PRKCB: variants seen among roughly 807,000 people sequenced by gnomAD.
PRKCB encodes the protein protein kinase C beta type.
A neutral mutation model predicts 81.5 loss-of-function variants in PRKCB; 13 were observed. The ratio of observed to expected loss-of-function variants is 0.16; its 90% CI spans 0.10 to 0.25. The LOEUF (loss-of-function observed/expected upper bound fraction) is 0.25, where lower values mean the gene tolerates loss of function less well. PRKCB is among the 10% of genes least tolerant of loss of function. The pLI, the probability that PRKCB is intolerant of heterozygous loss-of-function variation, is 1.00. For missense variants in PRKCB, 509 were observed against 875.7 expected (o/e 0.58, Z 5.29); for synonymous variants, 335 against 321.4 (o/e 1.04, Z -0.45).
intron 5 of PRKCB, among the ~76,000 whole-genome samples, chr16:24,091,828 C>T (rs1453127128): frequency 1.3e-5 from 2 of 152,008 alleles, no homozygotes; most frequent in African/African-American, 4.8e-5. Context: ...AGCCTTATAG[C>T]CTCTTTACCT....
At position 24,218,404 on chromosome 16, in the gene PRKCB, G is replaced by A; in HGVS notation, c.*3588G>A. On this transcript the variant is annotated 3_prime_UTR_variant, in exon 17 of 17. Coordinates refer to ENST00000643927, the MANE Select transcript of PRKCB (RefSeq NM_002738.7). Reference sequence around the variant, plus strand: ...AGGACAAGACAAAAAGGGCAGGTGGGACATGGTAGAGATGGACCCTACCCA... The same window carrying A: ...AGGACAAGACAAAAAGGGCAGGTGGAACATGGTAGAGATGGACCCTACCCA... 1.0e-6 allele frequency: 1 copy of A among 985,288 alleles called. No homozygotes were observed. Among genetic ancestry groups the A allele is most frequent in the Non-Finnish European group, 1.2e-6 (1 of 829,940 alleles). The allele number at this position is 985,288 out of a possible 1,614,324, so 61.0% of individuals were successfully genotyped here.
intron 9 of PRKCB, among the ~76,000 whole-genome samples, chr16:24,134,163 G>C (rs1966857976): frequency 6.6e-6 from 1 of 152,116 alleles, no homozygotes; most frequent in Admixed American, 6.5e-5. Context: ...CTCTCAAAGT[G>C]CTAGGATTAT....
intron 2 of PRKCB, among the ~76,000 whole-genome samples, chr16:23,855,392 C>T (rs1024092462): frequency 2.0e-5 from 3 of 152,086 alleles, no homozygotes; most frequent in African/African-American, 7.2e-5. Context: ...GAGCCTACCT[C>T]CCAGAGTTCT....
intron 13 of PRKCB, among the ~76,000 whole-genome samples, chr16:24,184,322 G>C (rs1967669949): frequency 6.6e-6 from 1 of 151,974 alleles, no homozygotes. Flanking sequence ...ATGGTGGTGA[G>C]CACCTGTAGT....
At chr16:24,000,591 A>G (rs1965020060) in intron 3 of PRKCB, among the ~76,000 whole-genome samples, 1 of 152,246 alleles carries the variant, frequency 6.6e-6, no homozygotes, top group Non-Finnish European at 1.5e-5. Context: ...AAAATGAGAA[A>G]GAGTTCACAA....
chr16:24,055,973 G>A (rs1055514263), intron 5 of PRKCB, among the ~76,000 whole-genome samples: 34 of 152,338 alleles, frequency 2.2e-4, no homozygotes, highest in African/African-American at 7.9e-4. Flanking sequence ...GCTCAGAGAG[G>A]TTAATTGACT....
chr16:23,937,286 G>C (rs752779075), intron 2 of PRKCB, among the ~76,000 whole-genome samples: 2 of 152,188 alleles, frequency 1.3e-5, no homozygotes, highest in African/African-American at 4.8e-5. Flanking sequence ...CAGAACCACT[G>C]TTCTAAGGGA....
chr16:23,890,117 T>A (rs1963269973), intron 2 of PRKCB, among the ~76,000 whole-genome samples: 1 of 152,234 alleles, frequency 6.6e-6, no homozygotes, highest in Non-Finnish European at 1.5e-5. Flanking sequence ...TACTTGACTT[T>A]TAGTAGGTCC....
At chr16:24,212,438 C>A (rs1436637850) in intron 16 of PRKCB, among the ~76,000 whole-genome samples, 1 of 129,898 alleles carries the variant, frequency 7.7e-6, no homozygotes, top group Non-Finnish European at 1.6e-5. Flanking sequence ...TTCAAGACCT[C>A]TCTCCTCCTG....
intron 9 of PRKCB, 144 bp downstream of exon 9, chr16:24,124,125 C>T: frequency 2.9e-6 from 3 of 1,027,358 alleles, no homozygotes; most frequent in Non-Finnish European, 4.3e-6. Flanking sequence ...TAATGAATAC[C>T]ATGAAGGAAA....
chr16:23,887,827 G>A (rs1006518002), intron 2 of PRKCB, among the ~76,000 whole-genome samples: 2 of 110,118 alleles, frequency 1.8e-5, no homozygotes, highest in Admixed American at 1.7e-4. Context: ...GTGTAAGAGC[G>A]TCCTTTTTTC....
chr16:24,220,063 G>A lies in PRKCB; in HGVS notation c.*5247G>A. ...CTTCATCATGAACTTGGACCAAAAT[G>A]AATTTGCTGGCTTCTCTTATACTAA... On this transcript the variant is annotated 3_prime_UTR_variant, in exon 17 of 17. Coordinates refer to ENST00000643927, the MANE Select transcript of PRKCB (RefSeq NM_002738.7). 7 of 1,614,168 alleles carry A rather than the reference G, an allele frequency of 4.3e-6. No homozygotes were observed. The highest frequency in any genetic ancestry group is 5.1e-6 in the Non-Finnish European group (6 of 1,180,028).
intron 5 of PRKCB, among the ~76,000 whole-genome samples, chr16:24,047,046 T>A (rs1267360804): frequency 6.6e-6 from 1 of 151,776 alleles, no homozygotes; most frequent in African/African-American, 2.4e-5. Flanking sequence ...GTCTTAAAAA[T>A]TAGCTGGGTA....
At chr16:23,887,673 T>C (rs1963225576) in intron 2 of PRKCB, among the ~76,000 whole-genome samples, 4 of 152,248 alleles carry the variant, frequency 2.6e-5, no homozygotes, top group Admixed American at 1.3e-4. Context: ...TGAAGGTGTC[T>C]TTTTGGTGGA....
intron 2 of PRKCB, among the ~76,000 whole-genome samples, chr16:23,905,119 CCATTGCTTCCATTTAGA>C (rs1963539833): frequency 6.7e-6 from 1 of 148,850 alleles, no homozygotes; most frequent in Non-Finnish European, 1.5e-5. Flanking sequence ...AGTGTGGGAT[CCATTGCTTCCATTTAGA>C]GAAGCAGCCG....
At chr16:24,200,064 T>G (rs1967935133) in intron 16 of PRKCB, among the ~76,000 whole-genome samples, 1 of 152,236 alleles carries the variant, frequency 6.6e-6, no homozygotes, top group Non-Finnish European at 1.5e-5. Flanking sequence ...CTTTTATAAT[T>G]CGTTGTCAGG....
At chr16:23,986,414 G>A (rs1197372486) in intron 2 of PRKCB, among the ~76,000 whole-genome samples, 7 of 151,738 alleles carry the variant, frequency 4.6e-5, no homozygotes, top group Non-Finnish European at 1.0e-4. Flanking sequence ...CACCATGTCT[G>A]GCTAATCTTT....
rs576948096 is a variant in PRKCB, at chr16:23,878,118, GC to G, written c.205+40714del. Among the ~76,000 whole-genome samples, 25 of 152,294 alleles carry G rather than the reference GC, an allele frequency of 1.6e-4. 1 individual carries two copies. In the South Asian group the frequency reaches 5.2e-3, roughly 32 times the overall value. The stretch of plus-strand genomic sequence containing the variant: ...CAAAGTGCTGTAATTACAGGCGTGA[GC>G]CACCGCACCCGGCCTGTCACTTCTT... On this transcript the variant is annotated intron_variant, in intron 2 of 16. Coordinates refer to ENST00000643927, the MANE Select transcript of PRKCB (RefSeq NM_002738.7).
intron 7 of PRKCB, among the ~76,000 whole-genome samples, chr16:24,106,089 G>A (rs568247528): frequency 7.6e-6 from 1 of 130,848 alleles, no homozygotes; most frequent in African/African-American, 3.0e-5. Flanking sequence ...TCACATTTTG[G>A]TCTTATTACA....
Sources: allele counts gnomAD v4.1 joint callset (sites outside exome capture counted in the v4.1 genomes callset), GRCh38; gene constraint gnomAD v4.1.1; transcripts MANE v1.5; gene names NCBI Gene and HGNC (gene_info 2026-07-23, HGNC 2026-07-21).